The following ACOXL variants were observed in gnomAD, a reference collection of about 807,000 sequenced individuals.
ACOXL encodes the protein acyl-coenzyme A oxidase-like protein.
In ACOXL, 70 loss-of-function variants were observed where a neutral mutation model predicts 71.9. That is an observed-to-expected ratio of 0.97 (90% CI 0.80 to 1.19). ACOXL has a LOEUF of 1.19. Among genes scored for constraint, ACOXL ranks in the 50% most tolerant of loss-of-function variants. ACOXL has a pLI of 0.00. For synonymous variants in ACOXL, 253 were observed against 281.6 expected (o/e 0.90, Z 1.02); for missense variants, 703 against 736.3 (o/e 0.95, Z 0.52).
At chr2:110,816,107 G>A (rs1687880509) in intron 9 of ACOXL, among the ~76,000 whole-genome samples, 1 of 152,048 alleles carries the variant, frequency 6.6e-6, no homozygotes. Context: ...GTAGATGAAT[G>A]GATGGGTGGG....
At chr2:110,940,171 C>G (rs1249458002) in intron 12 of ACOXL, among the ~76,000 whole-genome samples, 1 of 152,174 alleles carries the variant, frequency 6.6e-6, no homozygotes, top group Non-Finnish European at 1.5e-5. Flanking sequence ...TTTGTGTCAT[C>G]TTTTAAAAAG....
chr2:110,802,745 AG>A (rs1341831245), intron 8 of ACOXL, among the ~76,000 whole-genome samples: 4 of 152,106 alleles, frequency 2.6e-5, no homozygotes, highest in East Asian at 3.8e-4. Context: ...AGGGAGGAGG[AG>A]GGGATGGGGA....
Position 110,980,109 on chromosome 2 carries a change from A to G in ACOXL, c.1060-6999A>G, listed in dbSNP as rs1220967340. 5.3e-5 allele frequency among the ~76,000 whole-genome samples: 8 copies of G among 152,192 alleles called. 1 individual carries two copies. The highest frequency in any genetic ancestry group is 2.4e-5 in the African/African-American group (1 of 41,442). ...ATAGCCCAGGCTCTGTTTCACCCAC[A>G]TTGAGGAACTGTGAAATCCTGGGCT... On this transcript the variant is annotated intron_variant, in intron 12 of 17. Coordinates refer to ENST00000439055, the MANE Select transcript of ACOXL (RefSeq NM_001142807.4).
chr2:110,991,479 T>C (rs1476768838), intron 13 of ACOXL, among the ~76,000 whole-genome samples: 5 of 152,200 alleles, frequency 3.3e-5, no homozygotes, highest in African/African-American at 1.2e-4. Flanking sequence ...CTTTTTTCTT[T>C]TGTGTATTTT....
At chr2:110,934,650 G>A (rs1383491096) in intron 12 of ACOXL, among the ~76,000 whole-genome samples, 3 of 152,180 alleles carry the variant, frequency 2.0e-5, no homozygotes, top group African/African-American at 4.8e-5. Flanking sequence ...GCACAGAGGG[G>A]CAATGGTGAA....
chr2:111,104,632 TTC>T (rs924253267), intron 17 of ACOXL, among the ~76,000 whole-genome samples: 3 of 152,236 alleles, frequency 2.0e-5, no homozygotes, highest in African/African-American at 7.2e-5. Flanking sequence ...CATCTGTATG[TTC>T]TCTTTGTTGA....
chr2:111,043,578 T>A (rs900044414), intron 15 of ACOXL, among the ~76,000 whole-genome samples: 3 of 150,992 alleles, frequency 2.0e-5, no homozygotes, highest in Non-Finnish European at 3.0e-5. Flanking sequence ...GGAGAAGGAG[T>A]CATCGATAAG....
At chr2:111,059,556 T>C (rs1432937993) in intron 16 of ACOXL, among the ~76,000 whole-genome samples, 1 of 152,186 alleles carries the variant, frequency 6.6e-6, no homozygotes, top group African/African-American at 2.4e-5. Flanking sequence ...TCCCTATTCC[T>C]TCTGCTAAGT....
chr2:111,101,792 G>C (rs2069184210), intron 17 of ACOXL: 1 of 152,602 alleles, frequency 6.6e-6, no homozygotes, highest in Non-Finnish European at 1.5e-5. Context: ...GGCATGAGGT[G>C]TAAGCACAGG....
At chr2:110,938,845 T>G (rs1341427049) in intron 12 of ACOXL, among the ~76,000 whole-genome samples, 1 of 152,208 alleles carries the variant, frequency 6.6e-6, no homozygotes, top group Non-Finnish European at 1.5e-5. Context: ...AACACTTTTT[T>G]TTTTTTAAAA....
At chr2:110,806,884 G>T (rs56010803) in intron 9 of ACOXL, among the ~76,000 whole-genome samples, 3,523 of 152,168 alleles carry the variant, frequency 0.023, 64 homozygotes, top group South Asian at 0.051. Flanking sequence ...GGGGCAAGGT[G>T]TGGGGTGGTG....
chr2:110,841,497 TG>T, intron 10 of ACOXL, 92 bp downstream of exon 10: 1 of 1,031,950 alleles, frequency 9.7e-7, no homozygotes, highest in South Asian at 1.4e-5. Flanking sequence ...AGCTTTTTTT[TG>T]GTGGTTGCTT....
At chr2:110,981,399 C>G (rs1334378030) in intron 12 of ACOXL, among the ~76,000 whole-genome samples, 1 of 152,204 alleles carries the variant, frequency 6.6e-6, no homozygotes, top group Non-Finnish European at 1.5e-5. Flanking sequence ...CCACCGCTTC[C>G]TGGCTATGTG....
rs1037897576 is a variant in ACOXL at position 110,996,093 on chromosome 2, A to C, written c.1281+89A>C. The C allele has an allele frequency of 2.7e-6, 3 of 1,120,374 alleles. No homozygotes were observed. The African/African-American group carries it at 4.7e-5, about 18-fold the overall frequency. The allele number at this position is 1,120,374 out of a possible 1,614,324, so 69.4% of individuals were successfully genotyped here. On this transcript the variant is annotated intron_variant, in intron 14 of 17. Transcript: ENST00000439055. ...AACTATCTGTTAAGTTTAGTAGAGG[A>C]TGAGTCAGCCTAATGACAAGCTCCT...
chr2:111,098,775 A>C (rs1289161251), intron 17 of ACOXL: 3 of 152,238 alleles, frequency 2.0e-5, no homozygotes, highest in Non-Finnish European at 4.4e-5. Flanking sequence ...TACTAAAAAA[A>C]CAAAAAGTTA....
intron 10 of ACOXL, among the ~76,000 whole-genome samples, chr2:110,878,307 G>C (rs570452748): frequency 1.6e-4 from 24 of 152,314 alleles, no homozygotes; most frequent in Admixed American, 1.3e-3. Context: ...AGATTAAATA[G>C]ATTAGACACA....
chr2:111,118,405 C>G lies in ACOXL; in HGVS notation c.*589C>G, dbSNP rs898229081. Among the ~76,000 whole-genome samples, 5 of 152,214 alleles carry G rather than the reference C, an allele frequency of 3.3e-5. No individual in the cohort carries two copies. Among genetic ancestry groups the G allele is most frequent in the African/African-American group, 1.2e-4 (5 of 41,444 alleles). On this transcript the variant is annotated 3_prime_UTR_variant, in exon 18 of 18. Coordinates refer to ENST00000439055, the MANE Select transcript of ACOXL (RefSeq NM_001142807.4). ...GCCTAGAGTTTTGCTCTCGGCAAAA[C>G]AAGAACTCGGCTTGTCCTCCCAGGC...
intron 15 of ACOXL, among the ~76,000 whole-genome samples, chr2:111,046,819 GA>G (rs1293160361): frequency 6.6e-6 from 1 of 152,154 alleles, no homozygotes; most frequent in Non-Finnish European, 1.5e-5. Context: ...GCCCAAGATG[GA>G]ACCCTGCATG....
intron 2 of ACOXL, among the ~76,000 whole-genome samples, chr2:110,778,208 G>A (rs1040445980): frequency 3.9e-5 from 6 of 152,140 alleles, no homozygotes; most frequent in Non-Finnish European, 5.9e-5. Context: ...TTCTACTGAC[G>A]CTGTGAGGCT....
Sources: gnomAD v4.1 joint callset for allele counts (sites outside exome capture counted in the v4.1 genomes callset) on GRCh38, gnomAD v4.1.1 for gene constraint, MANE v1.5 for transcripts, NCBI Gene and HGNC (gene_info 2026-07-23, HGNC 2026-07-21) for gene names.